Variants in ADCY2 observed in about 807,000 individuals in gnomAD.
ADCY2 encodes adenylate cyclase type 2.
ADCY2 carries 31 observed loss-of-function variants against 125.2 expected under a neutral mutation model. That is an observed-to-expected ratio of 0.25 (90% CI 0.19 to 0.33). The LOEUF (loss-of-function observed/expected upper bound fraction) is 0.33, where lower values mean the gene tolerates loss of function less well. Ranked by LOEUF, ADCY2 falls within the 10% of genes least tolerant of loss-of-function variation. The pLI is 1.00. For missense variants in ADCY2, 904 were observed against 1,418.2 expected, an observed-to-expected ratio of 0.64 and a Z score of 5.82; for synonymous variants, 512 against 548.4, an observed-to-expected ratio of 0.93 and a Z score of 0.93.
chr5:7,487,320 C>T (rs1579493507), intron 2 of ADCY2, among the ~76,000 whole-genome samples: 1 of 152,274 alleles, frequency 6.6e-6, no homozygotes, highest in African/African-American at 2.4e-5. Flanking sequence ...TGAAATGACC[C>T]CCACCATCAC....
chr5:7,667,015 G>A (rs985198004), intron 4 of ADCY2, among the ~76,000 whole-genome samples: 4 of 152,206 alleles, frequency 2.6e-5, no homozygotes, highest in Non-Finnish European at 4.4e-5. Context: ...AGTAGCTAGC[G>A]CTGTCCTGGA....
chr5:7,412,079 A>AT (rs1739739905), intron 1 of ADCY2, among the ~76,000 whole-genome samples: 2 of 151,934 alleles, frequency 1.3e-5, no homozygotes, highest in African/African-American at 4.8e-5. Context: ...CGTCTCAAAA[A>AT]AAAAAAAGAG....
intron 22 of ADCY2, among the ~76,000 whole-genome samples, chr5:7,816,159 TTAA>T (rs1390417666): frequency 3.9e-5 from 6 of 152,188 alleles, no homozygotes; most frequent in Non-Finnish European, 7.3e-5. Context: ...GGTTAGGACT[TTAA>T]CATATGAACT....
intron 3 of ADCY2, among the ~76,000 whole-genome samples, chr5:7,566,992 A>G (rs868648696): frequency 3.9e-5 from 6 of 152,224 alleles, no homozygotes; most frequent in Non-Finnish European, 5.9e-5. Context: ...TAAGTAGATT[A>G]TATTGCCAAT....
intron 2 of ADCY2, among the ~76,000 whole-genome samples, chr5:7,450,621 A>T (rs1279195238): frequency 2.0e-5 from 3 of 152,202 alleles, no homozygotes; most frequent in Non-Finnish European, 4.4e-5. Flanking sequence ...TAAATGACAG[A>T]TTTTCAAAGT....
chr5:7,463,618 T>TAAAAA (rs33927169), intron 2 of ADCY2, among the ~76,000 whole-genome samples: 10 of 102,516 alleles, frequency 9.8e-5, no homozygotes, highest in African/African-American at 1.3e-4. Flanking sequence ...AGGTGATAGA[T>TAAAAA]AAAAAAAAAA....
intron 11 of ADCY2, among the ~76,000 whole-genome samples, chr5:7,714,731 A>G (rs1300926229): frequency 1.3e-5 from 2 of 152,228 alleles, no homozygotes; most frequent in Non-Finnish European, 2.9e-5. Flanking sequence ...TGGTGGCCTC[A>G]AGGCCTCCTG....
chr5:7,753,073 C>CT (rs2126450517), intron 15 of ADCY2, among the ~76,000 whole-genome samples: 1 of 151,842 alleles, frequency 6.6e-6, no homozygotes, highest in Admixed American at 6.6e-5. Flanking sequence ...TTATTTTTGT[C>CT]TTTTTAGTAG....
intron 4 of ADCY2, among the ~76,000 whole-genome samples, chr5:7,627,874 C>T (rs909587535): frequency 6.6e-6 from 1 of 152,168 alleles, no homozygotes; most frequent in Non-Finnish European, 1.5e-5. Flanking sequence ...ACTGCCTTTG[C>T]ATTGGTATGA....
intron 2 of ADCY2, among the ~76,000 whole-genome samples, chr5:7,434,755 C>A (rs956924263): frequency 6.6e-6 from 1 of 152,196 alleles, no homozygotes; most frequent in African/African-American, 2.4e-5. Context: ...GGGACCTAGC[C>A]CATGCAAGAT....
chr5:7,777,937 C>A (rs1743793431), intron 18 of ADCY2, among the ~76,000 whole-genome samples: 1 of 152,178 alleles, frequency 6.6e-6, no homozygotes, highest in African/African-American at 2.4e-5. Flanking sequence ...TTAACGTGAC[C>A]TGCTGGGACG....
At chr5:7,652,391 C>T (rs1739126805) in intron 4 of ADCY2, among the ~76,000 whole-genome samples, 1 of 152,146 alleles carries the variant, frequency 6.6e-6, no homozygotes. Context: ...TGAACAAAAA[C>T]TCAGTTTTCA....
chr5:7,644,410 C>T (rs1442964138), intron 4 of ADCY2, among the ~76,000 whole-genome samples: 1 of 152,174 alleles, frequency 6.6e-6, no homozygotes, highest in East Asian at 1.9e-4. Flanking sequence ...TTGGAGACAC[C>T]GTTTCTATTC....
chr5:7,549,138 C>A (rs1051256378), intron 3 of ADCY2, among the ~76,000 whole-genome samples: 1 of 152,176 alleles, frequency 6.6e-6, no homozygotes, highest in Non-Finnish European at 1.5e-5. Flanking sequence ...ATGAAGTTGG[C>A]ATATGAAGCA....
chr5:7,722,885 G>A (rs6881457), intron 12 of ADCY2, among the ~76,000 whole-genome samples: 6,614 of 146,794 alleles, frequency 0.045, 493 homozygotes, highest in African/African-American at 0.16. Context: ...GCTTGAACCC[G>A]GGAGGCAGAG....
At chr5:7,789,447 T>C (rs866339019) in intron 19 of ADCY2, among the ~76,000 whole-genome samples, 195 bp from the exon 20 acceptor site, 12 of 152,200 alleles carry the variant, frequency 7.9e-5, no homozygotes, top group Non-Finnish European at 1.3e-4. Context: ...GGTTCTTGTT[T>C]TTTGCAAATC....
intron 4 of ADCY2, among the ~76,000 whole-genome samples, chr5:7,644,177 C>A (rs549284605): frequency 6.6e-6 from 1 of 152,184 alleles, no homozygotes; most frequent in South Asian, 2.1e-4. Context: ...TGTCTTTCCT[C>A]AATACTTACC....
chr5:7,772,783 C>A, intron 17 of ADCY2, 149 bp from the exon 18 acceptor site: 1 of 649,356 alleles, frequency 1.5e-6, no homozygotes, highest in Non-Finnish European at 2.5e-6. Flanking sequence ...GCATTTACCA[C>A]TGGATCAAAG....
At chr5:7,530,048 T>G (rs554462650) in intron 3 of ADCY2, among the ~76,000 whole-genome samples, 48 of 152,312 alleles carry the variant, frequency 3.2e-4, no homozygotes, top group African/African-American at 1.1e-3. Context: ...GCTGCAACAC[T>G]GCATGAGCTT....
Sources: gnomAD v4.1 joint callset for allele counts (sites outside exome capture counted in the v4.1 genomes callset) on GRCh38, gnomAD v4.1.1 for gene constraint, MANE v1.5 for transcripts, NCBI Gene and HGNC (gene_info 2026-07-23, HGNC 2026-07-21) for gene names.